COL21A1: variants seen among roughly 807,000 people sequenced by gnomAD.
COL21A1 encodes the protein collagen type XXI alpha 1 chain.
COL21A1 carries 149 observed loss-of-function variants against 137.9 expected under a neutral mutation model. The observed-to-expected ratio is 1.08, with a 90% CI of 0.95 to 1.24. The LOEUF (loss-of-function observed/expected upper bound fraction) is 1.24. Ranked by LOEUF, COL21A1 falls within the 50% of genes most tolerant of loss-of-function variation. The pLI, the probability that COL21A1 is intolerant of heterozygous loss-of-function variation, is 0.00. For missense variants in COL21A1, 1,167 were observed against 1,158.4 expected, an observed-to-expected ratio of 1.01 and a Z score of -0.11; for synonymous variants, 456 against 391.5, an observed-to-expected ratio of 1.16 and a Z score of -1.95.
chr6:56,061,003 G>T lies in COL21A1; in HGVS notation c.2240C>A (p.Ala747Asp), dbSNP rs9464337. Residue 747 changes from alanine to aspartate, a missense_variant, in exon 26 of 30, where the codon GCC becomes GAC. Coordinates refer to ENST00000244728, the MANE Select transcript of COL21A1 (RefSeq NM_030820.4). ...CCCAGATTCTCCTTTTGATCCAATG[G>T]CACCTCGGACACCAGGTTCTCCCTT... ...GEKGEPGVRG[A>D]IGSKGESGVD... 0.012 allele frequency: 19,104 copies of T among 1,609,246 alleles called. 461 individuals are homozygous for T. The highest frequency in any genetic ancestry group is 0.083 in the African/African-American group (6,220 of 74,592).
intron 1 of COL21A1, among the ~76,000 whole-genome samples, chr6:56,358,573 A>T (rs1765892084): frequency 6.6e-6 from 1 of 152,220 alleles, no homozygotes; most frequent in African/African-American, 2.4e-5. Context: ...AAATTAAAAC[A>T]ACTCCAACCC....
intron 17 of COL21A1, among the ~76,000 whole-genome samples, chr6:56,083,960 CA>C (rs1283345262): frequency 1.3e-5 from 2 of 151,818 alleles, no homozygotes; most frequent in African/African-American, 4.8e-5. Flanking sequence ...GAAAAACACA[CA>C]AAATCATCTC....
chr6:56,061,735 T>C, intron 24 of COL21A1, 54 bp from the exon 25 acceptor site: 4 of 1,192,408 alleles, frequency 3.4e-6, no homozygotes, highest in Non-Finnish European at 4.8e-6. Context: ...AGTACTGTAA[T>C]GTGGCATCCA....
At position 56,132,911 on chromosome 6, in the gene COL21A1, C is replaced by T. The variant is rs1467265185; in HGVS notation, c.1543-6762G>A. 7.2e-5 allele frequency among the ~76,000 whole-genome samples: 11 copies of T among 152,342 alleles called. No individual in the cohort carries two copies. In the East Asian group the frequency reaches 1.7e-3, roughly 24 times the overall value. ...TTGACTTGCTCCTCCTTGCCCTCCA[C>T]CATGATTGTGAGGCCTCCCCAGCCA... On this transcript the variant is annotated intron_variant, in intron 12 of 29. Coordinates refer to ENST00000244728, the MANE Select transcript of COL21A1 (RefSeq NM_030820.4).
chr6:56,287,580 G>A (rs890825555), intron 1 of COL21A1, among the ~76,000 whole-genome samples: 1 of 151,658 alleles, frequency 6.6e-6, no homozygotes, highest in Non-Finnish European at 1.5e-5. Context: ...CTTCCTCTTC[G>A]CCTTTACCAT....
intron 1 of COL21A1, among the ~76,000 whole-genome samples, chr6:56,192,760 T>C (rs1215078666): frequency 6.6e-6 from 1 of 152,156 alleles, no homozygotes; most frequent in Admixed American, 6.5e-5. Flanking sequence ...AGTTCAACCA[T>C]TGTGGAAGAC....
At chr6:56,237,249 T>C (rs1781964446) in intron 1 of COL21A1, among the ~76,000 whole-genome samples, 1 of 152,148 alleles carries the variant, frequency 6.6e-6, no homozygotes, top group Non-Finnish European at 1.5e-5. Context: ...TTGAAAAGTC[T>C]GCAGCTCTAT....
intron 7 of COL21A1, among the ~76,000 whole-genome samples, chr6:56,165,514 G>A (rs1447426401): frequency 6.6e-6 from 1 of 152,198 alleles, no homozygotes; most frequent in African/African-American, 2.4e-5. Flanking sequence ...ATCAATAAAT[G>A]AAGTATGCAC....
At chr6:56,273,997 C>T (rs1045643785) in intron 1 of COL21A1, among the ~76,000 whole-genome samples, 2 of 152,106 alleles carry the variant, frequency 1.3e-5, no homozygotes, top group Admixed American at 6.5e-5. Context: ...TGCTATCAAA[C>T]CCAACCCCAG....
At chr6:56,382,756 C>A (rs1340290675) in intron 1 of COL21A1, among the ~76,000 whole-genome samples, 3 of 152,088 alleles carry the variant, frequency 2.0e-5, no homozygotes, top group Admixed American at 6.5e-5. Context: ...CATGATGGCA[C>A]CCTGATGTCA....
intron 3 of COL21A1, among the ~76,000 whole-genome samples, chr6:56,176,801 A>C (rs1777504511): frequency 6.7e-6 from 1 of 150,040 alleles, no homozygotes; most frequent in African/African-American, 2.4e-5. Flanking sequence ...ACTAGGTTTC[A>C]TGTTAATGTG....
At chr6:56,245,398 A>C (rs1453243421) in intron 1 of COL21A1, among the ~76,000 whole-genome samples, 1 of 152,224 alleles carries the variant, frequency 6.6e-6, no homozygotes, top group Non-Finnish European at 1.5e-5. Flanking sequence ...ATGTAATCAA[A>C]TTATAAGGAT....
intron 17 of COL21A1, among the ~76,000 whole-genome samples, chr6:56,098,662 TATAA>T (rs1385976724): frequency 3.0e-5 from 1 of 33,170 alleles, no homozygotes; most frequent in African/African-American, 1.1e-4. Flanking sequence ...TATAAATATA[TATAA>T]ATATATATAT....
chr6:56,148,360 G>GAGAGAGAA (rs1775012618), intron 10 of COL21A1, among the ~76,000 whole-genome samples: 1 of 149,730 alleles, frequency 6.7e-6, no homozygotes, highest in Non-Finnish European at 1.5e-5. Context: ...GAGAGAGAGA[G>GAGAGAGAA]AGAGAGAGAA....
At chr6:56,208,597 C>A (rs530878887) in intron 1 of COL21A1, among the ~76,000 whole-genome samples, 2 of 152,122 alleles carry the variant, frequency 1.3e-5, no homozygotes, top group Non-Finnish European at 2.9e-5. Flanking sequence ...GACCATACTG[C>A]CCAAAGTAAT....
intron 12 of COL21A1, among the ~76,000 whole-genome samples, chr6:56,129,599 T>C (rs934705711): frequency 1.4e-4 from 22 of 152,094 alleles, no homozygotes; most frequent in African/African-American, 5.3e-4. Context: ...TTATACTAAA[T>C]GTCTTTCTCA....
intron 1 of COL21A1, among the ~76,000 whole-genome samples, chr6:56,286,072 C>T (rs1763905485): frequency 6.6e-6 from 1 of 152,142 alleles, no homozygotes; most frequent in Non-Finnish European, 1.5e-5. Flanking sequence ...TAAAGCCTCC[C>T]TTGATAAGTC....
chr6:56,336,040 A>T (rs1765324381), intron 1 of COL21A1, among the ~76,000 whole-genome samples: 1 of 152,236 alleles, frequency 6.6e-6, no homozygotes, highest in Non-Finnish European at 1.5e-5. Context: ...AACAGCTAAC[A>T]TTTACAAAAC....
intron 1 of COL21A1, among the ~76,000 whole-genome samples, chr6:56,204,565 G>A (rs747097151): frequency 4.6e-5 from 7 of 152,238 alleles, no homozygotes; most frequent in South Asian, 2.1e-4. Flanking sequence ...TTCAACATAC[G>A]TAAACATCCC....
Sources: allele counts gnomAD v4.1 joint callset (sites outside exome capture counted in the v4.1 genomes callset), GRCh38; gene constraint gnomAD v4.1.1; transcripts MANE v1.5; gene names NCBI Gene and HGNC (gene_info 2026-07-23, HGNC 2026-07-21).